SLCO1B3: variants seen among roughly 807,000 people sequenced by gnomAD.
The protein encoded by SLCO1B3 is solute carrier organic anion transporter family member 1B3, also known as liver-specific organic anion transporter 2.
SLCO1B3 carries 72 observed loss-of-function variants against 71.8 expected under a neutral mutation model. That is an observed-to-expected ratio of 1.00 (90% confidence interval 0.83 to 1.22). SLCO1B3 has a LOEUF of 1.22. Ranked by LOEUF, SLCO1B3 falls within the 50% of genes most tolerant of loss-of-function variation. The pLI is 0.00. For synonymous variants in SLCO1B3, 298 were observed against 278.4 expected (o/e 1.07, Z -0.70); for missense variants, 911 against 819.7 (o/e 1.11, Z -1.36).
At chr12:20,912,540 T>TC (rs1264044286) in intron 15 of SLCO1B3, among the ~76,000 whole-genome samples, 2 of 150,152 alleles carry the variant, frequency 1.3e-5, no homozygotes, top group Non-Finnish European at 3.0e-5. Context: ...TTCTTTTTTT[T>TC]CAGATGGAGT....
chr12:20,904,491 C>T (rs758575371), intron 15 of SLCO1B3, among the ~76,000 whole-genome samples: 4 of 152,078 alleles, frequency 2.6e-5, no homozygotes, highest in African/African-American at 9.7e-5. Context: ...TCCTGTGGCT[C>T]TGCAGGTACA....
chr12:20,880,194 A>G (rs865808094), intron 11 of SLCO1B3, among the ~76,000 whole-genome samples: 1 of 151,382 alleles, frequency 6.6e-6, no homozygotes, highest in African/African-American at 2.4e-5. Context: ...ATAAAATTAT[A>G]TCTTATGATT....
At chr12:20,905,601 C>G (rs1347970436) in intron 15 of SLCO1B3, among the ~76,000 whole-genome samples, 1 of 152,142 alleles carries the variant, frequency 6.6e-6, no homozygotes, top group East Asian at 1.9e-4. Flanking sequence ...TTCCACAGAT[C>G]TCTAGAGCAG....
chr12:20,816,811 AC>A (rs1256006983), intron 3 of SLCO1B3, among the ~76,000 whole-genome samples: 2 of 152,128 alleles, frequency 1.3e-5, no homozygotes, highest in Non-Finnish European at 2.9e-5. Context: ...TTTTATTGCT[AC>A]CAACAGTGTA....
At chr12:20,887,415 A>T (rs1865811579) in intron 13 of SLCO1B3, among the ~76,000 whole-genome samples, 1 of 152,002 alleles carries the variant, frequency 6.6e-6, no homozygotes, top group Non-Finnish European at 1.5e-5. Context: ...AGCTATCTTG[A>T]TGAGTATAAG....
At chr12:20,857,603 A>C (rs1865167218) in intron 4 of SLCO1B3, among the ~76,000 whole-genome samples, 1 of 152,140 alleles carries the variant, frequency 6.6e-6, no homozygotes, top group East Asian at 1.9e-4. Flanking sequence ...CTATGGCTGC[A>C]ACATGCCATT....
intron 15 of SLCO1B3, 32 bp downstream of exon 15, chr12:20,901,499 A>G (rs759753006): frequency 2.6e-6 from 3 of 1,169,564 alleles, no homozygotes; most frequent in Non-Finnish European, 3.7e-6. Context: ...TCATTAATAG[A>G]TTTTTTCTTT....
chr12:20,837,801 C>G (rs1474770382), intron 3 of SLCO1B3, among the ~76,000 whole-genome samples: 2 of 152,042 alleles, frequency 1.3e-5, no homozygotes, highest in Non-Finnish European at 2.9e-5. Flanking sequence ...GGATGTAATA[C>G]ATGAAGTTGT....
chr12:20,818,825 A>G (rs1164176109), intron 3 of SLCO1B3, among the ~76,000 whole-genome samples: 3 of 152,196 alleles, frequency 2.0e-5, no homozygotes, highest in Non-Finnish European at 4.4e-5. Context: ...AATGGGATGA[A>G]CATCAGGTGG....
chr12:20,840,573 A>G (rs183433921), intron 3 of SLCO1B3, among the ~76,000 whole-genome samples: 5 of 152,104 alleles, frequency 3.3e-5, no homozygotes, highest in African/African-American at 4.8e-5. Context: ...TGTATTTTTT[A>G]GTAGAGACGG....
At chr12:20,865,317 G>T (rs1402687899) in intron 8 of SLCO1B3, among the ~76,000 whole-genome samples, 1 of 152,024 alleles carries the variant, frequency 6.6e-6, no homozygotes, top group African/African-American at 2.4e-5. Flanking sequence ...TTTAAAACCA[G>T]ATCAGTCCAT....
At chr12:20,901,028 A>G (rs1252302342) in intron 14 of SLCO1B3, among the ~76,000 whole-genome samples, 2 of 152,158 alleles carry the variant, frequency 1.3e-5, no homozygotes, top group Non-Finnish European at 2.9e-5. Context: ...ATGTTTTACT[A>G]ACAACATTCC....
intron 5 of SLCO1B3, 77 bp downstream of exon 5, chr12:20,858,648 T>C (rs922566732): frequency 9.7e-6 from 13 of 1,346,836 alleles, no homozygotes; most frequent in Admixed American, 6.2e-5. Context: ...TTTATACTTG[T>C]AAGTGGGCAG....
chr12:20,856,473 TGTATTAGAA>T (rs1348787805), intron 4 of SLCO1B3, among the ~76,000 whole-genome samples: 2 of 152,198 alleles, frequency 1.3e-5, no homozygotes, highest in Non-Finnish European at 2.9e-5. Flanking sequence ...GTATTTACAT[TGTATTAGAA>T]GTATTAGAAG....
At chr12:20,819,999 C>T (rs1287155102) in intron 3 of SLCO1B3, among the ~76,000 whole-genome samples, 1 of 151,884 alleles carries the variant, frequency 6.6e-6, no homozygotes, top group African/African-American at 2.4e-5. Flanking sequence ...GGGAACTGGG[C>T]AGGTGGGGAT....
chr12:20,879,380 T>C, intron 10 of SLCO1B3, 56 bp from the exon 11 acceptor site: 1 of 1,247,186 alleles, frequency 8.0e-7, no homozygotes, highest in South Asian at 1.3e-5. Flanking sequence ...TATAAAGACA[T>C]ATCAGAAAAA....
At chr12:20,854,921 A>C (rs1178272205) in intron 3 of SLCO1B3, 107 bp from the exon 4 acceptor site, 1 of 1,039,208 alleles carries the variant, frequency 9.6e-7, no homozygotes, top group Non-Finnish European at 1.4e-6. Flanking sequence ...TTTTTTTATG[A>C]TAATGTTTTC....
In SLCO1B3 at chr12:20,822,946, A is replaced by G. The variant is rs367749797; in HGVS notation, c.84+7124A>G. ...TTTGAAGAAAGCATTTTAGAAGAAA[A>G]TTACTCCCTGGTCTTGAATTTTGTC... On this transcript the variant is annotated intron_variant, in intron 3 of 15. Coordinates refer to ENST00000381545, the MANE Select transcript of SLCO1B3 (RefSeq NM_019844.4). Among the ~76,000 whole-genome samples, 163 of 152,054 alleles carry G rather than the reference A, an allele frequency of 1.1e-3. 4 individuals are homozygous for G. In the South Asian group the frequency reaches 0.033, roughly 31 times the overall value.
At chr12:20,901,499 A>AT (rs781553116) in intron 15 of SLCO1B3, 32 bp downstream of exon 15, 52 of 1,169,560 alleles carry the variant, frequency 4.4e-5, no homozygotes, top group Non-Finnish European at 6.0e-5. Flanking sequence ...TCATTAATAG[A>AT]TTTTTTCTTT....
Sources: gnomAD v4.1 joint callset for allele counts (sites outside exome capture counted in the v4.1 genomes callset) on GRCh38, gnomAD v4.1.1 for gene constraint, MANE v1.5 for transcripts, NCBI Gene and HGNC (gene_info 2026-07-23, HGNC 2026-07-21) for gene names.